MBTPS1: variants seen among roughly 807,000 people sequenced by gnomAD.
MBTPS1 encodes membrane bound transcription factor peptidase, site 1.
In MBTPS1, 94 loss-of-function variants were observed where a neutral mutation model predicts 127.8. That is an observed-to-expected ratio of 0.74 (90% CI 0.62 to 0.87). The LOEUF is 0.87. Ranked by LOEUF, MBTPS1 falls within the 40% of genes least tolerant of loss-of-function variation. The probability of loss-of-function intolerance (pLI) is 0.00; values close to 1 mark genes in which losing one functional copy is unlikely to be tolerated. For synonymous variants in MBTPS1, 632 were observed against 509.4 expected, an observed-to-expected ratio of 1.24 and a Z score of -3.24; for missense variants, 1,636 against 1,353.2, an observed-to-expected ratio of 1.21 and a Z score of -3.28.
At chr16:84,087,656 G>A (rs1211015050) in intron 8 of MBTPS1, among the ~76,000 whole-genome samples, 196 bp from the exon 9 acceptor site, 1 of 152,092 alleles carries the variant, frequency 6.6e-6, no homozygotes, top group African/African-American at 2.4e-5. Context: ...TTCATGCTGT[G>A]CTCACATTAC....
In MBTPS1 at chr16:84,081,812, T is replaced by G; in HGVS notation, c.1383A>C (p.Gln461His). ...TGAGCAGATCGAGCTTGCCGTGGCC[T>G]TGCTCAAACATGTTGACCCCGGGGA... ...RRLPGVNMFE[Q>H]GHGKLDLLRA... The change falls in exon 11 of 23, where the codon CAA (glutamine) becomes CAC (histidine). Residue 461 changes from glutamine to histidine, a missense_variant. Transcript: ENST00000343411. 6.5e-7 allele frequency: 1 copy of G among 1,532,928 alleles called. No homozygotes were observed. 95.0% of individuals were successfully genotyped at this position (1,532,928 alleles called of 1,614,324 possible).
intron 9 of MBTPS1, among the ~76,000 whole-genome samples, 178 bp downstream of exon 9, chr16:84,087,180 G>A (rs565894695): frequency 3.2e-4 from 49 of 152,276 alleles, no homozygotes; most frequent in East Asian, 5.8e-4. Flanking sequence ...AGATGCTGAC[G>A]GGGCCCAGAT....
intron 5 of MBTPS1, among the ~76,000 whole-genome samples, 158 bp downstream of exon 5, chr16:84,093,553 G>A (rs907218034): frequency 2.6e-5 from 4 of 152,130 alleles, no homozygotes; most frequent in Non-Finnish European, 4.4e-5. Flanking sequence ...GCTACCTCCC[G>A]ACATCCTATG....
At chr16:84,093,353 A>T in intron 5 of MBTPS1, 56 bp from the exon 6 acceptor site, 1 of 1,184,084 alleles carries the variant, frequency 8.4e-7, no homozygotes, top group South Asian at 1.2e-5. Context: ...AAGTGCCAGG[A>T]CGCAACATTC....
intron 1 of MBTPS1, among the ~76,000 whole-genome samples, chr16:84,104,765 C>T (rs1210097127): frequency 2.0e-5 from 3 of 152,118 alleles, no homozygotes; most frequent in Non-Finnish European, 4.4e-5. Context: ...AAGGATTTGG[C>T]GGTTTTCAAA....
At chr16:84,090,629 A>G (rs1471646890) in intron 8 of MBTPS1, among the ~76,000 whole-genome samples, 1 of 152,242 alleles carries the variant, frequency 6.6e-6, no homozygotes, top group African/African-American at 2.4e-5. Flanking sequence ...TATTTGTAAC[A>G]AAATTTTAAA....
At chr16:84,055,885 C>T (rs1397262193) in intron 22 of MBTPS1, 120 bp downstream of exon 22, 3 of 1,157,722 alleles carry the variant, frequency 2.6e-6, no homozygotes, top group Non-Finnish European at 2.4e-6. Context: ...CCAAGGCCAC[C>T]ACAGCTCCCA....
At chr16:84,089,356 C>A (rs1230502714) in intron 8 of MBTPS1, among the ~76,000 whole-genome samples, 1 of 152,194 alleles carries the variant, frequency 6.6e-6, no homozygotes, top group Non-Finnish European at 1.5e-5. Context: ...CACAATAACG[C>A]CTAAAATATT....
At chr16:84,063,259 A>C (rs2085639209) in intron 19 of MBTPS1, 46 bp downstream of exon 19, 1 of 1,584,752 alleles carries the variant, frequency 6.3e-7, no homozygotes, top group Non-Finnish European at 8.6e-7. Context: ...AAGGGAAGAA[A>C]GGATCTGAGT....
intron 11 of MBTPS1, 68 bp from the exon 12 acceptor site, chr16:84,074,809 C>A: frequency 7.0e-7 from 1 of 1,431,110 alleles, no homozygotes; most frequent in Non-Finnish European, 9.6e-7. Flanking sequence ...CACAACTGTA[C>A]AAGACAGAGT....
At chr16:84,068,987 G>C (rs1381512508) in intron 14 of MBTPS1, among the ~76,000 whole-genome samples, 1 of 152,146 alleles carries the variant, frequency 6.6e-6, no homozygotes, top group Non-Finnish European at 1.5e-5. Context: ...TCACCTCCCA[G>C]CAGCACAGAC....
At chr16:84,085,182 A>C in intron 9 of MBTPS1, 48 bp from the exon 10 acceptor site, 1 of 1,580,330 alleles carries the variant, frequency 6.3e-7, no homozygotes, top group African/African-American at 1.3e-5. Flanking sequence ...ATTGGCATAC[A>C]GCCGCATGCA....
Position 84,094,354 on chromosome 16 carries a change from G to A in MBTPS1, c.626-533C>T, listed in dbSNP as rs115316253. Among the ~76,000 whole-genome samples the A allele has an allele frequency of 3.4e-3, 514 of 152,242 alleles. 3 individuals carry two copies. The highest frequency in any genetic ancestry group is 0.011 in the African/African-American group (466 of 41,524). On this transcript the variant is annotated intron_variant, in intron 4 of 22. Transcript: ENST00000343411. ...CATTTATAATACAGCAAACTCTGCCGCAAGGAACAATTAACACCACATGCG... is the reference window on the plus strand; with the variant it reads ...CATTTATAATACAGCAAACTCTGCCACAAGGAACAATTAACACCACATGCG...
chr16:84,056,053 C>T lies in MBTPS1; in HGVS notation c.2914G>A (p.Val972Met), dbSNP rs2085517013. ...CTCTCTCCAGGGGACAAGGGCCTCA[C>T]TTGAGGGCGATTCGATCGAAAGTTG... ...LPNFRSNRPQ[V>M]RPLSPGESGA... Residue 972 changes from valine to methionine, a missense_variant, in exon 22 of 23, where the codon GTG becomes ATG. By Grantham distance (21) the Val-to-Met change is conservative. Transcript: ENST00000343411. 6.2e-7 allele frequency: 1 copy of T among 1,614,114 alleles called. No individual in the cohort carries two copies. Among genetic ancestry groups the T allele is most frequent in the Non-Finnish European group, 8.5e-7 (1 of 1,180,016 alleles).
chr16:84,103,904 G>C (rs1180969556), intron 1 of MBTPS1, among the ~76,000 whole-genome samples: 1 of 152,134 alleles, frequency 6.6e-6, no homozygotes, highest in African/African-American at 2.4e-5. Flanking sequence ...ACCTCGACAA[G>C]AACAACAATA....
Position 84,087,452 on chromosome 16 carries a change from T to C in MBTPS1, c.1040A>G (p.Asn347Ser), listed in dbSNP as rs2086045056. ...CACATCCATTTGATCAGCAGGGTTATTCAGAGTGCTATATTGAGACCAAAA... is the reference window on the plus strand; with the variant it reads ...CACATCCATTTGATCAGCAGGGTTACTCAGAGTGCTATATTGAGACCAAAA... ...GNDGPLYGTL[N>S]NPADQMDVIG... Residue 347 changes from asparagine to serine, a missense_variant, in exon 9 of 23, where the codon AAT (asparagine) becomes AGT (serine). Asn to Ser is a conservative substitution (Grantham distance 46). Coordinates refer to ENST00000343411, the MANE Select transcript of MBTPS1 (RefSeq NM_003791.4). 1 of 1,600,388 alleles carries C rather than the reference T, an allele frequency of 6.2e-7. No individual in the cohort carries two copies.
intron 1 of MBTPS1, among the ~76,000 whole-genome samples, chr16:84,105,573 C>T (rs2151171439): frequency 6.6e-6 from 1 of 152,178 alleles, no homozygotes; most frequent in African/African-American, 2.4e-5. Flanking sequence ...CCAAGCGTGG[C>T]AACACTGGAA....
chr16:84,087,473 C>CA lies in MBTPS1; in HGVS notation c.1032-14dup, dbSNP rs5818481. Reference sequence around the variant, plus strand: ...GTTATTCAGAGTGCTATATTGAGACCAAAAAAAAAAAAAAAGAAAAGAAAA... The same window carrying CA: ...GTTATTCAGAGTGCTATATTGAGACCAAAAAAAAAAAAAAAAGAAAAGAAAA... On this transcript the variant is annotated splice_polypyrimidine_tract_variant and intron_variant, in intron 8 of 22. Transcript: ENST00000343411. 16,543 of 1,032,042 alleles carry CA rather than the reference C, an allele frequency of 0.016. 141 individuals are homozygous for CA. Among genetic ancestry groups the CA allele is most frequent in the African/African-American group, 0.091 (4,887 of 53,898 alleles). 63.9% of individuals were successfully genotyped at this position (1,032,042 alleles called of 1,614,324 possible). A position where few individuals can be genotyped will look rare whatever the true frequency, so the allele number is the denominator to read the frequency against.
At position 84,054,389 on chromosome 16, in the gene MBTPS1, C is replaced by T; in HGVS notation, c.*60G>A. The T allele has an allele frequency of 1.4e-6, 2 of 1,452,794 alleles. No individual in the cohort carries two copies. The highest frequency in any genetic ancestry group is 2.8e-5 in the South Asian group (2 of 72,708). The allele number at this position is 1,452,794 out of a possible 1,614,324, so 90.0% of individuals were successfully genotyped here. A position where few individuals can be genotyped will look rare whatever the true frequency, so the allele number is the denominator to read the frequency against. On this transcript the variant is annotated 3_prime_UTR_variant, in exon 23 of 23. Coordinates refer to ENST00000343411, the MANE Select transcript of MBTPS1 (RefSeq NM_003791.4). ...AACCAGCCGCCACCACAGCTCGGCT[C>T]ACCCACCAGCGCCGTCCGTGAAGGC...
Sources: gnomAD v4.1 joint callset for allele counts (sites outside exome capture counted in the v4.1 genomes callset) on GRCh38, gnomAD v4.1.1 for gene constraint, MANE v1.5 for transcripts, NCBI Gene and HGNC (gene_info 2026-07-23, HGNC 2026-07-21) for gene names.